The following PRMT8 variants were observed in gnomAD, a reference collection of about 807,000 sequenced individuals.
PRMT8 encodes the protein protein arginine N-methyltransferase 8.
A neutral mutation model predicts 47.1 loss-of-function variants in PRMT8; 7 were observed. The observed-to-expected ratio is 0.15, with a 90% CI of 0.08 to 0.28. PRMT8 has a LOEUF of 0.28. Among genes scored for constraint, PRMT8 ranks in the 10% least tolerant of loss-of-function variants. PRMT8 has a pLI of 1.00. For synonymous variants in PRMT8, 188 were observed against 186.5 expected, an observed-to-expected ratio of 1.01 and a Z score of -0.07; for missense variants, 237 against 505.4, an observed-to-expected ratio of 0.47 and a Z score of 5.09.
intron 1 of PRMT8, among the ~76,000 whole-genome samples, chr12:3,515,422 G>T (rs919989105): frequency 6.6e-6 from 1 of 152,168 alleles, no homozygotes. Context: ...GCTAAATGAC[G>T]AGTTAATGGG....
At chr12:3,440,464 CAAACAAAACA>C (rs58748503) in intron 1 of PRMT8, among the ~76,000 whole-genome samples, 3 of 148,284 alleles carry the variant, frequency 2.0e-5, no homozygotes, top group Non-Finnish European at 3.0e-5. Context: ...TCCGTCAAAA[CAAACAAAACA>C]AAACAAAACA....
chr12:3,573,579 G>T (rs1264311566), intron 6 of PRMT8, among the ~76,000 whole-genome samples: 1 of 152,200 alleles, frequency 6.6e-6, no homozygotes, highest in Non-Finnish European at 1.5e-5. Flanking sequence ...AAAAGGACCA[G>T]TAGAGACAGG....
At chr12:3,465,910 C>T (rs761888999) in intron 1 of PRMT8, among the ~76,000 whole-genome samples, 12 of 152,242 alleles carry the variant, frequency 7.9e-5, no homozygotes, top group East Asian at 1.9e-4. Context: ...TAGCTTCTGA[C>T]GCCTAAGAAA....
At position 3,491,831 on chromosome 12, in the gene PRMT8, CCT is replaced by C. The variant is rs1491093296; in HGVS notation, c.75+132_75+133del. Reference sequence around the variant, plus strand: ...TCCCGCTCGCTTCTGCCGGCCTCCTCCTGTGTGTGTGTGTGTGTGTGTGTGTG... The same window carrying C: ...TCCCGCTCGCTTCTGCCGGCCTCCTCGTGTGTGTGTGTGTGTGTGTGTGTG... On this transcript the variant is annotated intron_variant, in intron 1 of 9. Transcript: ENST00000382622. The C allele has an allele frequency of 3.2e-4, 240 of 738,932 alleles. 12 individuals carry two copies. In the East Asian group the frequency reaches 4.0e-3, roughly 12 times the overall value. The allele number at this position is 738,932 out of a possible 1,614,324, so 45.8% of individuals were successfully genotyped here. A position where few individuals can be genotyped will look rare whatever the true frequency, so the allele number is the denominator to read the frequency against.
At chr12:3,578,514 C>T (rs982189194) in intron 7 of PRMT8, among the ~76,000 whole-genome samples, 2 of 152,144 alleles carry the variant, frequency 1.3e-5, no homozygotes, top group Non-Finnish European at 2.9e-5. Context: ...TGTGCTACCA[C>T]GCCCAGCCCA....
chr12:3,447,370 C>T (rs1363313679), intron 1 of PRMT8, among the ~76,000 whole-genome samples: 1 of 152,138 alleles, frequency 6.6e-6, no homozygotes, highest in African/African-American at 2.4e-5. Context: ...GTTGGGGGTG[C>T]ACTCCAGTCT....
rs1175486027 is a variant in PRMT8, at chr12:3,552,650, A to T, written c.418-1001A>T. ...CTCCTGGGACCTGCACCCTGGCTGG[A>T]GTCGGCCTCCTTGGATGCAGCTCTA... On this transcript the variant is annotated intron_variant, in intron 3 of 9. Transcript: ENST00000382622. The surrounding 1 kb of genome is among the most constrained non-coding windows in gnomAD (Gnocchi z 4.5). 2.3e-6 allele frequency: 1 copy of T among 444,096 alleles called. No individual in the cohort carries two copies. Among genetic ancestry groups the T allele is most frequent in the East Asian group, 7.0e-5 (1 of 14,240 alleles). The allele number at this position is 444,096 out of a possible 1,614,324, so 27.5% of individuals were successfully genotyped here.
In PRMT8 at chr12:3,491,604, C is replaced by T. The variant is rs1865399538; in HGVS notation, c.-22C>T. ...CTCTCCTCCTCTACTATCTCGGTATCACCAAACCCTTGCCGGCTCTTATGG... is the reference window on the plus strand; with the variant it reads ...CTCTCCTCCTCTACTATCTCGGTATTACCAAACCCTTGCCGGCTCTTATGG... On this transcript the variant is annotated 5_prime_UTR_variant, in exon 1 of 10. Coordinates refer to ENST00000382622, the MANE Select transcript of PRMT8 (RefSeq NM_019854.5). 1 of 1,611,190 alleles carries T rather than the reference C, an allele frequency of 6.2e-7. No homozygotes were observed. Among genetic ancestry groups the T allele is most frequent in the Non-Finnish European group, 8.5e-7 (1 of 1,179,216 alleles).
chr12:3,491,762 G>C, intron 1 of PRMT8, 62 bp downstream of exon 1: 1 of 1,546,148 alleles, frequency 6.5e-7, no homozygotes, highest in Non-Finnish European at 8.7e-7. Flanking sequence ...CCACCGCGCC[G>C]CCGCCGCCGC....
At chr12:3,433,516 C>T (rs544004181) in intron 1 of PRMT8, among the ~76,000 whole-genome samples, 6 of 152,232 alleles carry the variant, frequency 3.9e-5, no homozygotes, top group South Asian at 4.1e-4. Flanking sequence ...TGAGCAGTTA[C>T]GTAATTTGCT....
chr12:3,576,261 C>G lies in PRMT8; in HGVS notation c.713-610C>G, dbSNP rs1866943104. On this transcript the variant is annotated intron_variant, in intron 6 of 9. Coordinates refer to ENST00000382622, the MANE Select transcript of PRMT8 (RefSeq NM_019854.5). This position sits in a 1 kb window ranked among gnomAD's most constrained non-coding sequence, Gnocchi z 4.0. ...GAAGGCAGAGATGCTCCTGGACCCA[C>G]CCAGGTGAGAAAACTGAGGTTCAGA... 6.6e-6 allele frequency among the ~76,000 whole-genome samples: 1 copy of G among 152,166 alleles called. No homozygotes were observed. Among genetic ancestry groups the G allele is most frequent in the Non-Finnish European group, 1.5e-5 (1 of 68,030 alleles).
rs751467583 is a variant in PRMT8, at chr12:3,545,935, A to G, written c.262-4001A>G. On this transcript the variant is annotated intron_variant, in intron 2 of 9. Coordinates refer to ENST00000382622, the MANE Select transcript of PRMT8 (RefSeq NM_019854.5). ...ATGTTATTTTCAAGTGCACGTGGGAACATTCACTAAGATAGATCCTCTGCT... is the reference window on the plus strand; with the variant it reads ...ATGTTATTTTCAAGTGCACGTGGGAGCATTCACTAAGATAGATCCTCTGCT... Among the ~76,000 whole-genome samples the G allele has an allele frequency of 6.2e-4, 94 of 152,258 alleles. 2 individuals carry two copies. Among genetic ancestry groups the G allele is most frequent in the East Asian group, 1.9e-4 (1 of 5,204 alleles).
intron 1 of PRMT8, among the ~76,000 whole-genome samples, chr12:3,390,400 A>G (rs1270372468): frequency 6.6e-6 from 1 of 152,218 alleles, no homozygotes; most frequent in Non-Finnish European, 1.5e-5. Flanking sequence ...CCTATCAGTG[A>G]ACTGATGTAA....
intron 1 of PRMT8, among the ~76,000 whole-genome samples, chr12:3,395,905 G>C (rs1386090492): frequency 6.6e-6 from 1 of 152,156 alleles, no homozygotes; most frequent in African/African-American, 2.4e-5. Context: ...CCTGTATTGA[G>C]TGCATATATA....
chr12:3,393,625 T>C (rs1161630512), intron 1 of PRMT8, among the ~76,000 whole-genome samples: 5 of 151,662 alleles, frequency 3.3e-5, no homozygotes, highest in Admixed American at 3.3e-4. Context: ...AGCCTTGTAG[T>C]ATAGTTTGAA....
chr12:3,480,628 C>T (rs144115410), intron 1 of PRMT8, among the ~76,000 whole-genome samples: 22 of 136,384 alleles, frequency 1.6e-4, no homozygotes, highest in Non-Finnish European at 3.0e-4. Flanking sequence ...ATTTGATTCT[C>T]CTGACTTTAG....
At position 3,552,038 on chromosome 12, in the gene PRMT8, G is replaced by C. The variant is rs1269889615; in HGVS notation, c.418-1613G>C. 6.6e-6 allele frequency: 1 copy of C among 152,318 alleles called. No individual in the cohort carries two copies. Among genetic ancestry groups the C allele is most frequent in the Non-Finnish European group, 1.5e-5 (1 of 68,142 alleles). 9.4% of individuals were successfully genotyped at this position (152,318 alleles called of 1,614,324 possible). ...AGGTCAGGAGTTCAAGACCAGCCTGGCCAACATGGCGAAACCCTGTCTCTA... is the reference window on the plus strand; with the variant it reads ...AGGTCAGGAGTTCAAGACCAGCCTGCCCAACATGGCGAAACCCTGTCTCTA... On this transcript the variant is annotated intron_variant, in intron 3 of 9. Coordinates refer to ENST00000382622, the MANE Select transcript of PRMT8 (RefSeq NM_019854.5). This position sits in a 1 kb window ranked among gnomAD's most constrained non-coding sequence, Gnocchi z 4.5.
rs35698030 is a variant in PRMT8 at position 3,532,611 on chromosome 12, C to CAAAAAAAA, written c.76-7972_76-7965dup. Among the ~76,000 whole-genome samples, 116 of 24,656 alleles carry CAAAAAAAA rather than the reference C, an allele frequency of 4.7e-3. 12 individuals are homozygous for CAAAAAAAA. Among genetic ancestry groups the CAAAAAAAA allele is most frequent in the Non-Finnish European group, 6.6e-3 (93 of 14,042 alleles). 16.2% of individuals were successfully genotyped at this position (24,656 alleles called of 152,430 possible). A position where few individuals can be genotyped will look rare whatever the true frequency, so the allele number is the denominator to read the frequency against. The stretch of plus-strand genomic sequence containing the variant: ...TGGGCGACAGAGTAAGACTCCGTCT[C>CAAAAAAAA]AAAAAAAAAAAAAAAAAAAAAAAAA... On this transcript the variant is annotated intron_variant, in intron 1 of 9. Coordinates refer to ENST00000382622, the MANE Select transcript of PRMT8 (RefSeq NM_019854.5).
At position 3,550,307 on chromosome 12, in the gene PRMT8, TTGCGGAGGAAC is replaced by T; in HGVS notation, c.417+219_417+229del. 3 of 539,758 alleles carry T rather than the reference TTGCGGAGGAAC, an allele frequency of 5.6e-6. No homozygotes were observed. The highest frequency in any genetic ancestry group is 9.8e-6 in the Non-Finnish European group (3 of 306,498). The allele number at this position is 539,758 out of a possible 1,614,324, so 33.4% of individuals were successfully genotyped here. A position where few individuals can be genotyped will look rare whatever the true frequency, so the allele number is the denominator to read the frequency against. On this transcript the variant is annotated intron_variant, in intron 3 of 9. Coordinates refer to ENST00000382622, the MANE Select transcript of PRMT8 (RefSeq NM_019854.5). The surrounding 1 kb of genome is among the most constrained non-coding windows in gnomAD (Gnocchi z 5.1). ...CCTGGATCCTTACAACCACTGACAT[TTGCGGAGGAAC>T]TGTGGCTTTCCTGAGACCATTCCAA... is the stretch of plus-strand genomic sequence containing the variant.
Sources: gnomAD v4.1 joint callset for allele counts (sites outside exome capture counted in the v4.1 genomes callset) on GRCh38, gnomAD v4.1.1 for gene constraint, Gnocchi (gnomAD v3.1) non-coding constraint, MANE v1.5 for transcripts, NCBI Gene and HGNC (gene_info 2026-07-23, HGNC 2026-07-21) for gene names.